Variants in AMBRA1 observed in about 807,000 individuals in gnomAD.
AMBRA1 encodes activating molecule in BECN1-regulated autophagy protein 1.
In AMBRA1, 47 loss-of-function variants were observed where a neutral mutation model predicts 125.4. The observed-to-expected ratio is 0.37, with a 90% CI of 0.30 to 0.48. The LOEUF (loss-of-function observed/expected upper bound fraction) is 0.48, where lower values mean the gene tolerates loss of function less well. AMBRA1 is among the 20% of genes least tolerant of loss of function. The probability of loss-of-function intolerance (pLI) is 0.99; values close to 1 mark genes in which losing one functional copy is unlikely to be tolerated. For synonymous variants in AMBRA1, 626 were observed against 655.5 expected (o/e 0.95, Z 0.69); for missense variants, 1,331 against 1,693.4 (o/e 0.79, Z 3.76).
At position 46,397,943 on chromosome 11, in the gene AMBRA1, C is replaced by A. The variant is rs145428746; in HGVS notation, c.3404G>T (p.Gly1135Val). The change falls in exon 18 of 18, where the codon GGT becomes GTT. Residue 1135 changes from glycine to valine, a missense_variant and splice_region_variant. Coordinates refer to ENST00000683756, the MANE Select transcript of AMBRA1 (RefSeq NM_001387011.1). ...ACTGGCACCATACTCTGAACCCTCA[C>A]CTGGCAGATACAAAGCAGAAGAGAG... ...PGTAASGPGEGEGSEYGASGE... is the reference protein window; with the variant it reads ...PGTAASGPGEVEGSEYGASGE... 7 of 1,586,918 alleles carry A rather than the reference C, an allele frequency of 4.4e-6. No homozygotes were observed. Among genetic ancestry groups the A allele is most frequent in the Non-Finnish European group, 6.0e-6 (7 of 1,170,406 alleles).
chr11:46,535,615 G>A (rs1186675697), intron 7 of AMBRA1, among the ~76,000 whole-genome samples: 1 of 152,108 alleles, frequency 6.6e-6, no homozygotes, highest in Non-Finnish European at 1.5e-5. Flanking sequence ...CATAGAGATT[G>A]CAGAAGAATC....
chr11:46,458,835 G>A (rs1047832531), intron 11 of AMBRA1, among the ~76,000 whole-genome samples: 1 of 152,182 alleles, frequency 6.6e-6, no homozygotes, highest in African/African-American at 2.4e-5. Flanking sequence ...CACAAGGAAT[G>A]TCACCATTGG....
intron 7 of AMBRA1, among the ~76,000 whole-genome samples, chr11:46,516,493 C>G (rs935674089): frequency 4.2e-5 from 6 of 143,056 alleles, no homozygotes; most frequent in African/African-American, 1.6e-4. Context: ...TGCAGTGGCA[C>G]GATCTCGGCT....
intron 14 of AMBRA1, chr11:46,429,054 G>A (rs1414389365): frequency 6.2e-7 from 1 of 1,610,880 alleles, no homozygotes; most frequent in Non-Finnish European, 8.5e-7. Flanking sequence ...GCCAGCTCCG[G>A]GTGCTTAGGC....
At chr11:46,564,922 A>G (rs769600737) in intron 1 of AMBRA1, among the ~76,000 whole-genome samples, 21 of 152,186 alleles carry the variant, frequency 1.4e-4, no homozygotes, top group Admixed American at 3.3e-4. Flanking sequence ...ATCACGGTAA[A>G]TAAGTTATGT....
chr11:46,527,426 G>A (rs765683087), intron 7 of AMBRA1, among the ~76,000 whole-genome samples: 2 of 130,650 alleles, frequency 1.5e-5, no homozygotes, highest in Non-Finnish European at 3.1e-5. Flanking sequence ...GTTACAGTGA[G>A]CCGAGATCAT....
chr11:46,542,087 TCTC>T lies in AMBRA1; in HGVS notation c.1927_1929del (p.Glu643del). 6.2e-7 allele frequency: 1 copy of T among 1,613,792 alleles called. No individual in the cohort carries two copies. Among genetic ancestry groups the T allele is most frequent in the South Asian group, 1.1e-5 (1 of 91,042 alleles). ...TGGTTAAAGGCCACCCCCACAGTCC[TCTC>T]CTCCTGCGGACTAGCAGAGCTGCTC... On this transcript the variant is annotated inframe_deletion, in exon 7 of 18. Coordinates refer to ENST00000683756, the MANE Select transcript of AMBRA1 (RefSeq NM_001387011.1). The surrounding 1 kb of genome is among the most constrained non-coding windows in gnomAD (Gnocchi z 5.9).
In AMBRA1 at chr11:46,468,810, G is replaced by A. The variant is rs1177874027; in HGVS notation, c.2521+24798C>T. On this transcript the variant is annotated intron_variant, in intron 11 of 17. Coordinates refer to ENST00000683756, the MANE Select transcript of AMBRA1 (RefSeq NM_001387011.1). ...CTGGGCGGCAACAGAGTGAGGCTCC[G>A]TCTCAAAAAAAAAAAAAAGAAAAAA... Among the ~76,000 whole-genome samples the A allele has an allele frequency of 4.1e-5, 5 of 121,316 alleles. No individual in the cohort carries two copies. In the South Asian group the frequency reaches 1.2e-3, roughly 28 times the overall value. The allele number at this position is 121,316 out of a possible 152,430, so 79.6% of individuals were successfully genotyped here.
chr11:46,580,225 CT>C (rs1174156072), intron 1 of AMBRA1, among the ~76,000 whole-genome samples: 4 of 152,184 alleles, frequency 2.6e-5, no homozygotes, highest in African/African-American at 9.7e-5. Context: ...ATAACAAGCT[CT>C]TACATTTTCT....
chr11:46,523,764 A>G (rs1283181577), intron 7 of AMBRA1, among the ~76,000 whole-genome samples: 1 of 152,252 alleles, frequency 6.6e-6, no homozygotes, highest in East Asian at 1.9e-4. Context: ...GCAATGAGAG[A>G]AAGGCGTGAC....
chr11:46,410,297 C>A lies in AMBRA1; in HGVS notation c.3188G>T (p.Ser1063Ile). Residue 1063 changes from serine to isoleucine, a missense_variant, in exon 16 of 18, where the codon AGC becomes ATC. Ser to Ile is a moderately radical substitution (Grantham distance 142, BLOSUM62 -2). Coordinates refer to ENST00000683756, the MANE Select transcript of AMBRA1 (RefSeq NM_001387011.1). ...ATACCCAGGCCGCTCGCTGCTCCTGCTGTTGGAATGGACAGTGAAGACCGT... is the reference window on the plus strand; with the variant it reads ...ATACCCAGGCCGCTCGCTGCTCCTGATGTTGGAATGGACAGTGAAGACCGT... ...NETVFTVHSN[S>I]RSSERPGTSR... The A allele has an allele frequency of 6.2e-7, 1 of 1,613,922 alleles. No individual in the cohort carries two copies. Among genetic ancestry groups the A allele is most frequent in the South Asian group, 1.1e-5 (1 of 91,050 alleles).
Position 46,568,803 on chromosome 11 carries a change from C to CTTTTTTTTTTTTTTTTTTTTTTTT in AMBRA1, c.-120-20304_-120-20303insAAAAAAAAAAAAAAAAAAAAAAAA, listed in dbSNP as rs774631588. Among the ~76,000 whole-genome samples the CTTTTTTTTTTTTTTTTTTTTTTTT allele has an allele frequency of 4.1e-5, 4 of 96,478 alleles. 1 individual carries two copies. Among genetic ancestry groups the CTTTTTTTTTTTTTTTTTTTTTTTT allele is most frequent in the African/African-American group, 1.8e-4 (4 of 21,708 alleles). The allele number at this position is 96,478 out of a possible 152,430, so 63.3% of individuals were successfully genotyped here. ...AAAAAAAAGGAACCCTCAACCCTAC[C>CTTTTTTTTTTTTTTTTTTTTTTTT]TTTTTTTTTTTTTTTTTTTTTTTGA... On this transcript the variant is annotated intron_variant, in intron 1 of 17. Coordinates refer to ENST00000683756, the MANE Select transcript of AMBRA1 (RefSeq NM_001387011.1).
intron 1 of AMBRA1, among the ~76,000 whole-genome samples, chr11:46,568,533 G>T (rs992344477): frequency 2.0e-5 from 3 of 151,958 alleles, no homozygotes; most frequent in Non-Finnish European, 2.9e-5. Flanking sequence ...ACCACTTTGG[G>T]AGGCCAAGGT....
intron 11 of AMBRA1, among the ~76,000 whole-genome samples, chr11:46,468,691 A>G (rs1194155596): frequency 6.6e-6 from 1 of 151,752 alleles, no homozygotes; most frequent in Non-Finnish European, 1.5e-5. Context: ...GGGCGCCTGT[A>G]GTCCCCGTTA....
chr11:46,488,554 T>C (rs898009488), intron 11 of AMBRA1, among the ~76,000 whole-genome samples: 5 of 150,934 alleles, frequency 3.3e-5, no homozygotes, highest in Non-Finnish European at 7.4e-5. Context: ...ACAAACTAGA[T>C]AGAAAATCAG....
intron 9 of AMBRA1, among the ~76,000 whole-genome samples, chr11:46,497,516 G>C (rs1368055956): frequency 6.6e-6 from 1 of 152,170 alleles, no homozygotes; most frequent in East Asian, 1.9e-4. Context: ...CTCTGAAGGA[G>C]AAATGACAGG....
chr11:46,437,263 C>T (rs776697756), intron 12 of AMBRA1, among the ~76,000 whole-genome samples: 5 of 152,206 alleles, frequency 3.3e-5, no homozygotes, highest in Non-Finnish European at 5.9e-5. Flanking sequence ...ATCCAGGCCA[C>T]TGTGCTTGCA....
At chr11:46,581,554 C>T (rs1351481492) in intron 1 of AMBRA1, among the ~76,000 whole-genome samples, 2 of 151,830 alleles carry the variant, frequency 1.3e-5, no homozygotes, top group African/African-American at 4.8e-5. Flanking sequence ...TGCAGCAAGC[C>T]GAGATCGCAC....
At chr11:46,480,712 G>A (rs1478166082) in intron 11 of AMBRA1, among the ~76,000 whole-genome samples, 2 of 152,146 alleles carry the variant, frequency 1.3e-5, no homozygotes, top group African/African-American at 4.8e-5. Context: ...ACCAGAGAGA[G>A]GCTCTTTGCT....
Sources: gnomAD v4.1 joint callset for allele counts (sites outside exome capture counted in the v4.1 genomes callset) on GRCh38, gnomAD v4.1.1 for gene constraint, Gnocchi (gnomAD v3.1) non-coding constraint, MANE v1.5 for transcripts, NCBI Gene and HGNC (gene_info 2026-07-23, HGNC 2026-07-21) for gene names.